The following USP34 variants were observed in gnomAD, a reference collection of about 807,000 sequenced individuals.
The protein encoded by USP34 is ubiquitin carboxyl-terminal hydrolase 34.
A neutral mutation model predicts 460.3 loss-of-function variants in USP34; 70 were observed. The ratio of observed to expected loss-of-function variants is 0.15; its 90% confidence interval spans 0.13 to 0.19. The LOEUF (loss-of-function observed/expected upper bound fraction) is 0.19, where lower values mean the gene tolerates loss of function less well. USP34 is among the 10% of genes least tolerant of loss of function. USP34 has a pLI of 1.00. For missense variants in USP34, 3,985 were observed against 4,236.2 expected, an observed-to-expected ratio of 0.94 and a Z score of 1.65; for synonymous variants, 1,647 against 1,405.3, an observed-to-expected ratio of 1.17 and a Z score of -3.85.
intron 23 of USP34, among the ~76,000 whole-genome samples, chr2:61,315,405 C>T (rs1054148114): frequency 1.3e-5 from 2 of 151,460 alleles, no homozygotes; most frequent in Admixed American, 1.3e-4. Flanking sequence ...CAGAGTCTCA[C>T]TCACTTGCCC....
chr2:61,315,063 G>T, intron 23 of USP34, 89 bp from the exon 24 acceptor site: 1 of 910,336 alleles, frequency 1.1e-6, no homozygotes, highest in South Asian at 1.9e-5. Flanking sequence ...AAAATCATAG[G>T]CAACTCCTAT....
At position 61,410,154 on chromosome 2, in the gene USP34, A is replaced by G. The variant is rs1050372925; in HGVS notation, c.132-4026T>C. Among the ~76,000 whole-genome samples the G allele has an allele frequency of 4.5e-4, 69 of 152,166 alleles. 1 individual carries two copies. The highest frequency in any genetic ancestry group is 4.5e-3 in the Admixed American group (69 of 15,284). ...CATCTATTGTGCACGTTATAGTATC[A>G]CACTGTAATATATAATGAAATAATT... is the stretch of plus-strand genomic sequence containing the variant. On this transcript the variant is annotated intron_variant, in intron 2 of 79. Transcript: ENST00000398571.
At chr2:61,354,421 T>A (rs1249390207) in intron 10 of USP34, among the ~76,000 whole-genome samples, 3 of 152,188 alleles carry the variant, frequency 2.0e-5, no homozygotes, top group African/African-American at 7.2e-5. Context: ...AAATTAGGGT[T>A]GAAATTAAGA....
At chr2:61,223,492 A>G (rs183692103) in intron 62 of USP34, 196 bp from the exon 63 acceptor site, 7 of 573,608 alleles carry the variant, frequency 1.2e-5, no homozygotes, top group African/African-American at 1.9e-5. Context: ...TGGTAAATGA[A>G]AGCCCAAATG....
chr2:61,461,084 T>C (rs1246499631), intron 1 of USP34, among the ~76,000 whole-genome samples: 2 of 151,716 alleles, frequency 1.3e-5, no homozygotes, highest in East Asian at 1.9e-4. Flanking sequence ...AAAGCGAGCT[T>C]TGAATTTTGA....
Position 61,432,976 on chromosome 2 carries a change from T to C in USP34, c.44-12143A>G, listed in dbSNP as rs1213487338. Among the ~76,000 whole-genome samples, 4 of 152,054 alleles carry C rather than the reference T, an allele frequency of 2.6e-5. No individual in the cohort carries two copies. In the East Asian group the frequency reaches 7.7e-4, roughly 29 times the overall value. On this transcript the variant is annotated intron_variant, in intron 1 of 79. Coordinates refer to ENST00000398571, the MANE Select transcript of USP34 (RefSeq NM_014709.4). The stretch of plus-strand genomic sequence containing the variant: ...ACAATAGGTAATACATTCAAGATAT[T>C]AGATAAGCTGAAGAATTCCAGCAAA...
intron 6 of USP34, 149 bp from the exon 7 acceptor site, chr2:61,380,510 T>G: frequency 1.4e-6 from 1 of 736,684 alleles, no homozygotes; most frequent in Non-Finnish European, 2.1e-6. Flanking sequence ...CCCTGCCTAA[T>G]CTCTTTGGCA....
intron 10 of USP34, among the ~76,000 whole-genome samples, chr2:61,366,516 C>T (rs1692446342): frequency 6.6e-6 from 1 of 152,166 alleles, no homozygotes; most frequent in African/African-American, 2.4e-5. Flanking sequence ...GGGGAGAAAA[C>T]TACATAAAGT....
intron 67 of USP34, among the ~76,000 whole-genome samples, chr2:61,215,613 G>GT (rs1329746386): frequency 6.6e-6 from 1 of 152,164 alleles, no homozygotes; most frequent in East Asian, 1.9e-4. Context: ...CTGGATGGAG[G>GT]TAACAGTGCT....
At chr2:61,288,165 A>C (rs1390037246) in intron 34 of USP34, among the ~76,000 whole-genome samples, 2 of 152,182 alleles carry the variant, frequency 1.3e-5, no homozygotes, top group Non-Finnish European at 2.9e-5. Context: ...ATAAGAGCGT[A>C]ACTGCTTTCT....
Position 61,294,938 on chromosome 2 carries a change from TATG to T in USP34, c.4461+8_4461+10del, listed in dbSNP as rs775428281. On this transcript the variant is annotated splice_region_variant and intron_variant, in intron 32 of 79. Transcript: ENST00000398571. ...TTTTATCAATACATTGAAAAACACATATGATCAAACCTTGCAACTCCAGGAATT... is the reference window on the plus strand; with the variant it reads ...TTTTATCAATACATTGAAAAACACATATCAAACCTTGCAACTCCAGGAATT... The T allele has an allele frequency of 6.9e-6, 11 of 1,601,402 alleles. No homozygotes were observed. In the African/African-American group the frequency reaches 1.5e-4, roughly 22 times the overall value.
At position 61,188,458 on chromosome 2, in the gene USP34, T is replaced by A; in HGVS notation, c.10285A>T (p.Asn3429Tyr). 6.2e-7 allele frequency: 1 copy of A among 1,614,246 alleles called. No homozygotes were observed. The highest frequency in any genetic ancestry group is 8.5e-7 in the Non-Finnish European group (1 of 1,180,036). The change falls in exon 80 of 80, where the codon AAT becomes TAT. Residue 3429 changes from asparagine (N) to tyrosine (Y), a missense_variant. Physicochemically the swap from Asn to Tyr is moderately radical, Grantham distance 143. This residue lies in a region of USP34 where 506 missense variants were observed against 439.0 expected (regional missense o/e 1.15). Coordinates refer to ENST00000398571, the MANE Select transcript of USP34 (RefSeq NM_014709.4). ...VPSSFSEDMSNIRSQHAEEQS... is the reference protein window; with the variant it reads ...VPSSFSEDMSYIRSQHAEEQS... ...TCTTCTGCATGCTGTGACCTGATAT[T>A]TGACATGTCTTCTGAAAACGAAGAT...
Position 61,204,579 on chromosome 2 carries a change from A to G in USP34, c.9177T>C (p.Leu3059=). The G allele has an allele frequency of 6.2e-7, 1 of 1,614,000 alleles. No individual in the cohort carries two copies. The highest frequency in any genetic ancestry group is 1.1e-5 in the South Asian group (1 of 91,076). ...TATGAAGAAAATCATGGGGACTCAA[A>G]AGTACAAGTTCCTTGAGGACATCTG... The part of the protein sequence containing the change: ...ACIDVLKELV[L]LSPHDFLHTL... Residue 3059 remains leucine (L), a synonymous_variant, in exon 73 of 80, where the codon CTT becomes CTC. Transcript: ENST00000398571.
At chr2:61,332,974 G>A (rs1290205486) in intron 19 of USP34, among the ~76,000 whole-genome samples, 1 of 152,012 alleles carries the variant, frequency 6.6e-6, no homozygotes, top group Admixed American at 6.6e-5. Flanking sequence ...GTGAAAGCAA[G>A]CAAGTGTTCT....
At chr2:61,425,652 T>A (rs1573029171) in intron 1 of USP34, among the ~76,000 whole-genome samples, 1 of 152,124 alleles carries the variant, frequency 6.6e-6, no homozygotes, top group South Asian at 2.1e-4. Flanking sequence ...ACTCCATGTT[T>A]CCAAGTAAAC....
At chr2:61,447,988 T>C (rs1387143724) in intron 1 of USP34, among the ~76,000 whole-genome samples, 1 of 152,174 alleles carries the variant, frequency 6.6e-6, no homozygotes, top group Admixed American at 6.5e-5. Context: ...AATACTGGGA[T>C]TACAGGCAAG....
intron 1 of USP34, among the ~76,000 whole-genome samples, chr2:61,450,066 AAAAAAT>A (rs1483617275): frequency 6.8e-6 from 1 of 146,390 alleles, no homozygotes; most frequent in South Asian, 2.2e-4. Context: ...ACTCTGTCTC[AAAAAAT>A]AAAAATAAAA....
At chr2:61,465,519 C>T (rs1040453226) in intron 1 of USP34, among the ~76,000 whole-genome samples, 2 of 152,180 alleles carry the variant, frequency 1.3e-5, no homozygotes, top group African/African-American at 2.4e-5. Flanking sequence ...AGCTATACTA[C>T]CCACACTTGT....
intron 76 of USP34, among the ~76,000 whole-genome samples, chr2:61,191,932 T>C (rs1172252408): frequency 6.6e-6 from 1 of 152,252 alleles, no homozygotes; most frequent in East Asian, 1.9e-4. Context: ...GATCAGTGTA[T>C]ACTAGCCTCT....
Sources: allele counts gnomAD v4.1 joint callset (sites outside exome capture counted in the v4.1 genomes callset), GRCh38; gene constraint gnomAD v4.1.1; regional missense constraint gnomAD v4.1.1; transcripts MANE v1.5; gene names NCBI Gene and HGNC (gene_info 2026-07-23, HGNC 2026-07-21).